TMEM260: variants seen among roughly 807,000 people sequenced by gnomAD.
The protein encoded by TMEM260 is protein O-mannosyl-transferase TMEM260.
TMEM260 carries 82 observed loss-of-function variants against 88.9 expected under a neutral mutation model. The ratio of observed to expected loss-of-function variants is 0.92; its 90% CI spans 0.77 to 1.11. TMEM260 has a LOEUF of 1.11. Among genes scored for constraint, TMEM260 ranks in the 50% least tolerant of loss-of-function variants. The pLI is 0.00. For missense variants in TMEM260, 902 were observed against 853.4 expected, an observed-to-expected ratio of 1.06 and a Z score of -0.71; for synonymous variants, 314 against 309.3, an observed-to-expected ratio of 1.02 and a Z score of -0.16.
At chr14:56,597,810 A>G (rs2139534662) in intron 3 of TMEM260, among the ~76,000 whole-genome samples, 1 of 152,220 alleles carries the variant, frequency 6.6e-6, no homozygotes, top group East Asian at 1.9e-4. Context: ...AGGATGTGTT[A>G]TTTTCAACAG....
chr14:56,631,125 C>G (rs1379260813), intron 12 of TMEM260, among the ~76,000 whole-genome samples: 4 of 152,138 alleles, frequency 2.6e-5, no homozygotes, highest in Non-Finnish European at 5.9e-5. Context: ...ATTAAAAGCT[C>G]TAAAGCAGAA....
intron 7 of TMEM260, 133 bp downstream of exon 7, chr14:56,612,418 C>A (rs1216965202): frequency 2.6e-6 from 2 of 758,540 alleles, no homozygotes; most frequent in East Asian, 5.3e-5. Flanking sequence ...CTACAGTTAA[C>A]AGTTGTTTGT....
At chr14:56,626,382 T>C (rs1308742431) in intron 12 of TMEM260, among the ~76,000 whole-genome samples, 1 of 152,194 alleles carries the variant, frequency 6.6e-6, no homozygotes, top group Non-Finnish European at 1.5e-5. Flanking sequence ...CAAGTTGGCA[T>C]TTTTGTGAAT....
At chr14:56,581,388 C>T (rs1042601243) in intron 1 of TMEM260, among the ~76,000 whole-genome samples, 1 of 152,138 alleles carries the variant, frequency 6.6e-6, no homozygotes, top group Non-Finnish European at 1.5e-5. Flanking sequence ...TCCTGTTGCA[C>T]AAGTAGGGAT....
rs1890017066 is a variant in TMEM260, at chr14:56,647,172, G to A, written c.1870-71G>A. On this transcript the variant is annotated intron_variant, in intron 15 of 15. Transcript: ENST00000261556. ...TTTTTCTTGTTATTAATTCCTCTGT[G>A]TTTTTTTGTTTTTGAAAAAAAAAAA... The A allele has an allele frequency of 3.3e-6, 5 of 1,492,834 alleles. No homozygotes were observed. The East Asian group carries it at 1.2e-4, about 35-fold the overall frequency. 92.5% of individuals were successfully genotyped at this position (1,492,834 alleles called of 1,614,324 possible). A position where few individuals can be genotyped will look rare whatever the true frequency, so the allele number is the denominator to read the frequency against.
intron 1 of TMEM260, among the ~76,000 whole-genome samples, chr14:56,584,438 A>G (rs1885355400): frequency 6.6e-6 from 1 of 152,176 alleles, no homozygotes; most frequent in South Asian, 2.1e-4. Flanking sequence ...AATATTATTT[A>G]ATGGTTTGAA....
intron 15 of TMEM260, among the ~76,000 whole-genome samples, chr14:56,644,786 TCAAA>T (rs1350848298): frequency 6.6e-6 from 1 of 151,744 alleles, no homozygotes; most frequent in Non-Finnish European, 1.5e-5. Context: ...TACAATGAAC[TCAAA>T]CAAATTTACA....
intron 1 of TMEM260, among the ~76,000 whole-genome samples, chr14:56,580,851 C>T (rs1351493698): frequency 9.2e-5 from 14 of 152,162 alleles, no homozygotes; most frequent in Admixed American, 9.2e-4. Flanking sequence ...CAGAATAGTG[C>T]TGTAATTTCA....
chr14:56,637,465 G>A (rs1490868870), intron 15 of TMEM260, among the ~76,000 whole-genome samples: 3 of 152,210 alleles, frequency 2.0e-5, no homozygotes, highest in Admixed American at 2.0e-4. Context: ...GATGGGAAGT[G>A]GGAGCAGATA....
At chr14:56,583,402 A>C (rs1489508860) in intron 1 of TMEM260, among the ~76,000 whole-genome samples, 4 of 152,134 alleles carry the variant, frequency 2.6e-5, no homozygotes, top group Admixed American at 6.5e-5. Flanking sequence ...CAGTCACCTA[A>C]GACTGGGGTG....
chr14:56,624,428 T>G (rs7153179), intron 11 of TMEM260, among the ~76,000 whole-genome samples: 136,260 of 151,932 alleles, frequency 0.9, 61,336 homozygotes, highest in East Asian at 1. Context: ...ACAAAAATTA[T>G]TCTGGTGTAG....
intron 3 of TMEM260, among the ~76,000 whole-genome samples, chr14:56,599,558 GTTGA>G (rs1276675405): frequency 6.6e-6 from 1 of 152,124 alleles, no homozygotes; most frequent in East Asian, 1.9e-4. Flanking sequence ...GCAAGTAACT[GTTGA>G]TTGATTCTGA....
intron 15 of TMEM260, among the ~76,000 whole-genome samples, chr14:56,645,550 G>A (rs572447515): frequency 6.6e-6 from 1 of 152,082 alleles, no homozygotes; most frequent in Non-Finnish European, 1.5e-5. Context: ...GCTAAATGAC[G>A]AGGTAATGGG....
At chr14:56,606,942 C>T (rs1566544372) in intron 5 of TMEM260, among the ~76,000 whole-genome samples, 1 of 152,094 alleles carries the variant, frequency 6.6e-6, no homozygotes, top group Non-Finnish European at 1.5e-5. Context: ...GGAAACATAG[C>T]AGTTGACAGG....
the TMEM260 span, among the ~76,000 whole-genome samples, chr14:56,658,807 C>G: frequency 2.0e-5 from 3 of 150,222 alleles, no homozygotes; most frequent in South Asian, 4.2e-4. Context: ...CTCAGCTCAC[C>G]GCAACCTCCG....
intron 15 of TMEM260, among the ~76,000 whole-genome samples, chr14:56,641,844 A>G (rs1032209997): frequency 2.0e-5 from 3 of 152,192 alleles, no homozygotes; most frequent in Non-Finnish European, 4.4e-5. Flanking sequence ...ATGGAAAACA[A>G]AGGCAGTGGT....
chr14:56,583,409 G>T (rs565523993), intron 1 of TMEM260, among the ~76,000 whole-genome samples: 8 of 152,180 alleles, frequency 5.3e-5, no homozygotes, highest in Admixed American at 2.6e-4. Flanking sequence ...CTAAGACTGG[G>T]GTGTCTTAGT....
In TMEM260 at chr14:56,648,094, A is replaced by G. The variant is rs894913985; in HGVS notation, c.*597A>G. 6.6e-6 allele frequency: 1 copy of G among 151,994 alleles called. No individual in the cohort carries two copies. The highest frequency in any genetic ancestry group is 1.5e-5 in the Non-Finnish European group (1 of 68,000). The allele number at this position is 151,994 out of a possible 1,614,324, so 9.4% of individuals were successfully genotyped here. A position where few individuals can be genotyped will look rare whatever the true frequency, so the allele number is the denominator to read the frequency against. On this transcript the variant is annotated 3_prime_UTR_variant, in exon 16 of 16. Transcript: ENST00000261556. ...CTTGGAAATCACTAAAAAAAAAAAA[A>G]GTTAATTTGATGTTTGCTTATTTCA...
intron 7 of TMEM260, among the ~76,000 whole-genome samples, chr14:56,614,219 TA>T (rs397852138): frequency 0.28 from 30,789 of 111,420 alleles, 4,166 homozygotes; most frequent in Non-Finnish European, 0.35. Context: ...TACAAAACAT[TA>T]AAAAAAAAAA....
Sources: gnomAD v4.1 joint callset for allele counts (sites outside exome capture counted in the v4.1 genomes callset) on GRCh38, gnomAD v4.1.1 for gene constraint, MANE v1.5 for transcripts, NCBI Gene and HGNC (gene_info 2026-07-23, HGNC 2026-07-21) for gene names.